The following LRFN2 variants were observed in gnomAD, a reference collection of about 807,000 sequenced individuals.
The protein encoded by LRFN2 is leucine-rich repeat and fibronectin type-III domain-containing protein 2.
LRFN2 carries 18 observed loss-of-function variants against 37.3 expected under a neutral mutation model. The observed-to-expected ratio is 0.48, with a 90% CI of 0.33 to 0.72. LRFN2 has a LOEUF of 0.72. Ranked by LOEUF, LRFN2 falls within the 30% of genes least tolerant of loss-of-function variation. The probability of loss-of-function intolerance (pLI) is 0.02; values close to 1 mark genes in which losing one functional copy is unlikely to be tolerated. For synonymous variants in LRFN2, 556 were observed against 466.6 expected, an observed-to-expected ratio of 1.19 and a Z score of -2.47; for missense variants, 1,006 against 1,060.7, an observed-to-expected ratio of 0.95 and a Z score of 0.72.
chr6:40,447,112 G>C (rs1203651165), intron 1 of LRFN2, among the ~76,000 whole-genome samples: 1 of 151,156 alleles, frequency 6.6e-6, no homozygotes, highest in Non-Finnish European at 1.5e-5. Flanking sequence ...CCAGACTGGG[G>C]TCCCTGAGTC....
intron 2 of LRFN2, among the ~76,000 whole-genome samples, chr6:40,405,381 C>T (rs1217448868): frequency 6.6e-6 from 1 of 152,168 alleles, no homozygotes; most frequent in Non-Finnish European, 1.5e-5. Flanking sequence ...TCTGTGTTTG[C>T]TTCCTAGAAA....
At chr6:40,480,309 G>T (rs1764798461) in intron 1 of LRFN2, among the ~76,000 whole-genome samples, 1 of 151,890 alleles carries the variant, frequency 6.6e-6, no homozygotes, top group African/African-American at 2.4e-5. Flanking sequence ...ATGAGGTTTT[G>T]CTCTTTCACC....
intron 1 of LRFN2, among the ~76,000 whole-genome samples, chr6:40,537,025 C>T (rs12212206): frequency 0.011 from 1,619 of 152,298 alleles, 11 homozygotes; most frequent in Middle Eastern, 0.037. Flanking sequence ...AACTGAGGCA[C>T]GGAGGGTTGA....
chr6:40,434,519 C>G (rs1308854731), intron 1 of LRFN2, among the ~76,000 whole-genome samples: 2 of 149,952 alleles, frequency 1.3e-5, no homozygotes, highest in Non-Finnish European at 3.0e-5. Flanking sequence ...CACTCTGTCT[C>G]CCAGGGGAGC....
chr6:40,462,145 G>T (rs1764360690), intron 1 of LRFN2, among the ~76,000 whole-genome samples: 1 of 152,170 alleles, frequency 6.6e-6, no homozygotes, highest in Non-Finnish European at 1.5e-5. Context: ...ACCAATAAAT[G>T]ATTTCATTTG....
At chr6:40,555,375 C>T (rs1766852623) in intron 1 of LRFN2, among the ~76,000 whole-genome samples, 1 of 152,172 alleles carries the variant, frequency 6.6e-6, no homozygotes, top group African/African-American at 2.4e-5. Context: ...AGGAGACCCT[C>T]CTCCTCCTCT....
At chr6:40,445,743 C>T (rs1763954107) in intron 1 of LRFN2, among the ~76,000 whole-genome samples, 1 of 152,162 alleles carries the variant, frequency 6.6e-6, no homozygotes, top group Non-Finnish European at 1.5e-5. Flanking sequence ...CCTCTGGGGT[C>T]CAGCCACTTT....
chr6:40,456,326 A>C (rs1764233952), intron 1 of LRFN2, among the ~76,000 whole-genome samples: 1 of 152,262 alleles, frequency 6.6e-6, no homozygotes, highest in African/African-American at 2.4e-5. Context: ...GACTGAAAGA[A>C]GGAGGCAGAT....
At chr6:40,538,732 C>G (rs543432096) in intron 1 of LRFN2, among the ~76,000 whole-genome samples, 14 of 152,264 alleles carry the variant, frequency 9.2e-5, no homozygotes, top group Admixed American at 8.5e-4. Context: ...CAGCGCAGCC[C>G]CTCTCCACCT....
intron 1 of LRFN2, among the ~76,000 whole-genome samples, chr6:40,577,815 T>TA (rs1554146048): frequency 1.1e-4 from 5 of 47,070 alleles, no homozygotes; most frequent in Admixed American, 8.8e-4. Flanking sequence ...AAATAAAAAT[T>TA]AAAAAAAATA....
intron 1 of LRFN2, among the ~76,000 whole-genome samples, chr6:40,506,079 C>T (rs1765528120): frequency 6.6e-6 from 1 of 152,248 alleles, no homozygotes; most frequent in Non-Finnish European, 1.5e-5. Flanking sequence ...TTGGAACTGT[C>T]ACCATTTCTA....
At chr6:40,459,421 C>G (rs1650597674) in intron 1 of LRFN2, among the ~76,000 whole-genome samples, 1 of 152,176 alleles carries the variant, frequency 6.6e-6, no homozygotes, top group Non-Finnish European at 1.5e-5. Context: ...TTGTGTGTGA[C>G]ACATAACTCC....
intron 2 of LRFN2, among the ~76,000 whole-genome samples, chr6:40,429,701 A>G (rs1352406068): frequency 6.6e-6 from 1 of 152,362 alleles, no homozygotes; most frequent in East Asian, 1.9e-4. Context: ...TATGCTAAGG[A>G]AATCACTGAA....
rs574505831 is a variant in LRFN2 at position 40,537,548 on chromosome 6, C to T, written c.-19+49393G>A. On this transcript the variant is annotated intron_variant, in intron 1 of 2. Transcript: ENST00000338305. ...AGGCCCACTTCAACTGCCTCTTCAA[C>T]GCTTCTCCAGGAAGCGTCCCTGACC... Among the ~76,000 whole-genome samples, 413 of 152,268 alleles carry T rather than the reference C, an allele frequency of 2.7e-3. 4 individuals are homozygous for T. Among genetic ancestry groups the T allele is most frequent in the Middle Eastern group, 0.014 (4 of 294 alleles).
chr6:40,400,062 G>A (rs971046385), intron 2 of LRFN2, among the ~76,000 whole-genome samples: 6 of 151,576 alleles, frequency 4.0e-5, no homozygotes, highest in African/African-American at 1.5e-4. Context: ...ATCTTTTAAG[G>A]CCTGACTCAT....
At chr6:40,550,680 T>TG (rs1766760763) in intron 1 of LRFN2, among the ~76,000 whole-genome samples, 1 of 151,496 alleles carries the variant, frequency 6.6e-6, no homozygotes, top group Non-Finnish European at 1.5e-5. Flanking sequence ...TAGTTTTGTT[T>TG]GCTTTTTTTT....
At chr6:40,549,750 T>A (rs147625593) in intron 1 of LRFN2, among the ~76,000 whole-genome samples, 20 of 152,168 alleles carry the variant, frequency 1.3e-4, no homozygotes, top group African/African-American at 4.8e-4. Context: ...GTTGAAATAA[T>A]CCCTCTGCCA....
chr6:40,395,188 G>C (rs1026952816), intron 2 of LRFN2, among the ~76,000 whole-genome samples: 1 of 152,096 alleles, frequency 6.6e-6, no homozygotes, highest in African/African-American at 2.4e-5. Context: ...GCAGTGATCA[G>C]TACTCCCATT....
At chr6:40,412,007 G>A (rs907723227) in intron 2 of LRFN2, among the ~76,000 whole-genome samples, 16 of 152,138 alleles carry the variant, frequency 1.1e-4, no homozygotes, top group Non-Finnish European at 2.2e-4. Context: ...TGCATGTAAC[G>A]TGGGGAGGAG....
Sources: gnomAD v4.1 joint callset for allele counts (sites outside exome capture counted in the v4.1 genomes callset) on GRCh38, gnomAD v4.1.1 for gene constraint, MANE v1.5 for transcripts, NCBI Gene and HGNC (gene_info 2026-07-23, HGNC 2026-07-21) for gene names.